CNKSR2: variants seen among roughly 807,000 people sequenced by gnomAD.
CNKSR2 encodes CNK homolog protein 2.
In CNKSR2, 14 loss-of-function variants were observed where a neutral mutation model predicts 84.4. That is an observed-to-expected ratio of 0.17 (90% CI 0.11 to 0.26). The LOEUF (loss-of-function observed/expected upper bound fraction) is 0.26. Among genes scored for constraint, CNKSR2 ranks in the 10% least tolerant of loss-of-function variants. The pLI, the probability that CNKSR2 is intolerant of heterozygous loss-of-function variation, is 1.00. For missense variants in CNKSR2, 485 were observed against 771.2 expected (o/e 0.63, Z 4.40); for synonymous variants, 275 against 277.9 (o/e 0.99, Z 0.10).
At chrX:21,602,754 G>T (rs1417628562) in intron 18 of CNKSR2, among the ~76,000 whole-genome samples, 1 of 111,200 alleles carries the variant, frequency 9.0e-6, no homozygotes, top group East Asian at 2.8e-4. Context: ...CTAAATTTAT[G>T]GTAAGAGTAC....
At chrX:21,453,646 A>G (rs1254792750) in intron 4 of CNKSR2, among the ~76,000 whole-genome samples, 1 of 111,912 alleles carries the variant, frequency 8.9e-6, no homozygotes, top group African/African-American at 3.2e-5. Flanking sequence ...TTCAGTCTCT[A>G]AAGCTGTATT....
chrX:21,536,709 T>G (rs1360689954), intron 11 of CNKSR2, among the ~76,000 whole-genome samples: 2 of 110,895 alleles, frequency 1.8e-5, no homozygotes, highest in African/African-American at 6.5e-5. Flanking sequence ...GTGGTATCAG[T>G]GGCAAAGTTT....
At position 21,432,712 on chromosome X, in the gene CNKSR2, G is replaced by T. The variant is rs1260019662; in HGVS notation, c.329G>T (p.Gly110Val). The T allele has an allele frequency of 8.3e-7, 1 of 1,208,271 alleles. No individual in the cohort carries two copies. Among genetic ancestry groups the T allele is most frequent in the South Asian group, 1.8e-5 (1 of 56,684 alleles). ...QNFITGRRRSGHYDGRTSRKL... is the reference protein window; with the variant it reads ...QNFITGRRRSVHYDGRTSRKL... ...TTTATAACAGGAAGGAGAAGGAGTGGCCATTATGATGGGAGGACCAGCCGA... is the reference window on the plus strand; with the variant it reads ...TTTATAACAGGAAGGAGAAGGAGTGTCCATTATGATGGGAGGACCAGCCGA... The change falls in exon 3 of 22, where the codon GGC becomes GTC. Residue 110 changes from glycine (G) to valine (V), a missense_variant. Physicochemically the swap from Gly to Val is moderately radical, Grantham distance 109. Coordinates refer to ENST00000379510, the MANE Select transcript of CNKSR2 (RefSeq NM_014927.5).
At chrX:21,595,896 T>C (rs190433356) in intron 17 of CNKSR2, among the ~76,000 whole-genome samples, 10 of 111,875 alleles carry the variant, frequency 8.9e-5, no homozygotes, top group African/African-American at 2.9e-4. Context: ...GGAAAACTTA[T>C]ATGTACATTT....
chrX:21,399,866 A>G (rs183871381), intron 1 of CNKSR2, among the ~76,000 whole-genome samples: 64 of 111,901 alleles, frequency 5.7e-4, no homozygotes, highest in African/African-American at 1.9e-3. Flanking sequence ...ATTTTGGTAT[A>G]TAATAACCTC....
At chrX:21,621,451 A>G (rs1032601349) in intron 20 of CNKSR2, among the ~76,000 whole-genome samples, 1 of 111,433 alleles carries the variant, frequency 9.0e-6, no homozygotes, top group Non-Finnish European at 1.9e-5. Flanking sequence ...ATCATGTATG[A>G]TATTACTCAT....
intron 20 of CNKSR2, among the ~76,000 whole-genome samples, chrX:21,626,241 T>TG (rs2092622835): frequency 1.8e-5 from 1 of 55,196 alleles, no homozygotes; most frequent in Non-Finnish European, 3.0e-5. Flanking sequence ...ACATTCTAGG[T>TG]GGTAAAAAAA....
At chrX:21,594,576 A>G (rs1253489236) in intron 15 of CNKSR2, 2 of 113,554 alleles carry the variant, frequency 1.8e-5, no homozygotes, top group Non-Finnish European at 3.7e-5. Flanking sequence ...ACATCCCTAT[A>G]TTTTACATCT....
intron 8 of CNKSR2, among the ~76,000 whole-genome samples, chrX:21,509,454 A>G (rs2091648638): frequency 1.8e-5 from 2 of 112,152 alleles, no homozygotes; most frequent in South Asian, 7.4e-4. Flanking sequence ...CATGTTTATA[A>G]AAATATCAAC....
intron 7 of CNKSR2, among the ~76,000 whole-genome samples, chrX:21,498,379 G>A (rs996948457): frequency 9.0e-6 from 1 of 111,298 alleles, no homozygotes; most frequent in African/African-American, 3.3e-5. Context: ...AGAAATTCTG[G>A]AGACCAGCCT....
chrX:21,489,131 TA>T (rs1261359000), intron 5 of CNKSR2, among the ~76,000 whole-genome samples: 1 of 111,722 alleles, frequency 9.0e-6, no homozygotes, highest in Non-Finnish European at 1.9e-5. Flanking sequence ...TGTCCTGCCT[TA>T]CAGGACTGAA....
chrX:21,602,755 G>A (rs2092490881), intron 18 of CNKSR2, among the ~76,000 whole-genome samples: 1 of 111,372 alleles, frequency 9.0e-6, no homozygotes, highest in South Asian at 3.8e-4. Context: ...TAAATTTATG[G>A]TAAGAGTACT....
intron 15 of CNKSR2, chrX:21,591,674 G>A (rs2147251290): frequency 9.2e-6 from 1 of 108,733 alleles, no homozygotes; most frequent in Admixed American, 9.9e-5. Context: ...GACTAGTTTT[G>A]AAAATCTGCA....
At chrX:21,571,742 A>G (rs1378572622) in intron 13 of CNKSR2, among the ~76,000 whole-genome samples, 2 of 112,368 alleles carry the variant, frequency 1.8e-5, no homozygotes, top group African/African-American at 6.5e-5. Context: ...TATTATCACA[A>G]TAATGGAAAA....
intron 1 of CNKSR2, among the ~76,000 whole-genome samples, chrX:21,412,510 C>T (rs1170683794): frequency 8.9e-6 from 1 of 111,896 alleles, no homozygotes; most frequent in Admixed American, 9.5e-5. Context: ...CGTGTTAAGT[C>T]CCATCATGAT....
At chrX:21,601,436 G>C (rs2092481735) in intron 18 of CNKSR2, 87 bp downstream of exon 18, 1 of 558,156 alleles carries the variant, frequency 1.8e-6, no homozygotes, top group Admixed American at 3.9e-5. Context: ...TCACTTGAGA[G>C]AAAATACATG....
intron 5 of CNKSR2, among the ~76,000 whole-genome samples, chrX:21,485,378 A>G (rs1255833791): frequency 1.8e-5 from 2 of 110,486 alleles, no homozygotes; most frequent in Non-Finnish European, 3.8e-5. Context: ...TTTGTGCTAA[A>G]TATGCTCTGC....
At chrX:21,533,934 G>A (rs1261992047) in intron 11 of CNKSR2, among the ~76,000 whole-genome samples, 1 of 110,436 alleles carries the variant, frequency 9.1e-6, no homozygotes, top group Non-Finnish European at 1.9e-5. Context: ...TTTGTTCTGG[G>A]AACATTCGAA....
Position 21,374,555 on chromosome X carries a change from G to A in CNKSR2, c.-343G>A, listed in dbSNP as rs1217016361. On this transcript the variant is annotated 5_prime_UTR_variant, in exon 1 of 22. An upstream open reading frame in the 5' UTR loses its in-frame stop. Transcript: ENST00000379510. Reference sequence around the variant, plus strand: ...CCCTCAGCAACTCAAGCTATGAACTGAAGCTCCCTAGGGACGGAGACCGGA... The same window carrying A: ...CCCTCAGCAACTCAAGCTATGAACTAAAGCTCCCTAGGGACGGAGACCGGA... 8.5e-6 allele frequency: 4 copies of A among 467,887 alleles called. No homozygotes were observed. The Admixed American group carries it at 9.1e-5, about 11-fold the overall frequency. 38.6% of individuals were successfully genotyped at this position (467,887 alleles called of 1,213,427 possible).
Sources: allele counts gnomAD v4.1 joint callset (sites outside exome capture counted in the v4.1 genomes callset), GRCh38; gene constraint gnomAD v4.1.1; transcripts MANE v1.5; gene names NCBI Gene and HGNC (gene_info 2026-07-23, HGNC 2026-07-21).